Variants in A1CF observed in about 807,000 individuals in gnomAD.
The protein encoded by A1CF is APOBEC1 complementation factor.
A neutral mutation model predicts 68.9 loss-of-function variants in A1CF; 48 were observed. That is an observed-to-expected ratio of 0.70 (90% CI 0.55 to 0.89). The LOEUF is 0.89. A1CF is among the 40% of genes least tolerant of loss of function. The pLI is 0.00. For synonymous variants in A1CF, 272 were observed against 260.4 expected (o/e 1.04, Z -0.43); for missense variants, 653 against 718.9 (o/e 0.91, Z 1.05).
chr10:50,880,652 A>G (rs913717946), intron 1 of A1CF, among the ~76,000 whole-genome samples: 1 of 152,202 alleles, frequency 6.6e-6, no homozygotes, highest in Non-Finnish European at 1.5e-5. Context: ...GTTTAATTAC[A>G]TCTAATAATT....
At chr10:50,851,712 C>T (rs1840251137) in intron 3 of A1CF, among the ~76,000 whole-genome samples, 1 of 152,182 alleles carries the variant, frequency 6.6e-6, no homozygotes, top group African/African-American at 2.4e-5. Flanking sequence ...TAACTTTCCT[C>T]ACCTGGAAGC....
At chr10:50,814,137 T>C in intron 9 of A1CF, 99 bp from the exon 10 acceptor site, 1 of 1,379,168 alleles carries the variant, frequency 7.3e-7, no homozygotes, top group Non-Finnish European at 1.0e-6. Flanking sequence ...AATGGAAAAG[T>C]TAGCCCAATT....
intron 12 of A1CF, among the ~76,000 whole-genome samples, chr10:50,808,585 G>A (rs956210258): frequency 2.0e-5 from 3 of 152,292 alleles, no homozygotes; most frequent in East Asian, 1.9e-4. Flanking sequence ...CTGGCTGCTG[G>A]CCCCACACTG....
At chr10:50,807,647 C>G (rs10994555) in intron 12 of A1CF, among the ~76,000 whole-genome samples, 1 of 152,238 alleles carries the variant, frequency 6.6e-6, no homozygotes, top group East Asian at 1.9e-4. Context: ...GATGAGCATT[C>G]ACTTTTGAAG....
chr10:50,826,750 C>T (rs1156542303), intron 7 of A1CF, among the ~76,000 whole-genome samples: 2 of 152,102 alleles, frequency 1.3e-5, no homozygotes, highest in African/African-American at 2.4e-5. Flanking sequence ...CAGCTAACAT[C>T]ATAATGACAG....
rs1322769675 is a variant in A1CF, at chr10:50,806,946, T to C, written c.1610-66A>G. 2.0e-6 allele frequency: 3 copies of C among 1,508,828 alleles called. No homozygotes were observed. The African/African-American group carries it at 4.2e-5, about 21-fold the overall frequency. The allele number at this position is 1,508,828 out of a possible 1,614,324, so 93.5% of individuals were successfully genotyped here. On this transcript the variant is annotated intron_variant, in intron 12 of 12. Coordinates refer to ENST00000373997, the MANE Select transcript of A1CF (RefSeq NM_014576.4). ...CATTTGCTCCCTTTTGGCTTATTTG[T>C]CTTCTTTTAGAAATACGAACATTTA...
At chr10:50,812,718 T>A (rs1838174852) in intron 10 of A1CF, among the ~76,000 whole-genome samples, 1 of 152,184 alleles carries the variant, frequency 6.6e-6, no homozygotes, top group African/African-American at 2.4e-5. Context: ...TACGTGTCAG[T>A]TTTTTCCCAC....
chr10:50,847,852 C>A (rs911086172), intron 3 of A1CF, among the ~76,000 whole-genome samples: 29 of 152,206 alleles, frequency 1.9e-4, no homozygotes, highest in African/African-American at 7.0e-4. Context: ...GATAACATTT[C>A]CTTATCATGA....
intron 5 of A1CF, among the ~76,000 whole-genome samples, chr10:50,840,949 T>A (rs1465554344): frequency 6.6e-6 from 1 of 152,190 alleles, no homozygotes; most frequent in Non-Finnish European, 1.5e-5. Flanking sequence ...CTAGCCAGAT[T>A]TGTGTATATC....
At chr10:50,881,102 G>T (rs189712336) in intron 1 of A1CF, among the ~76,000 whole-genome samples, 1 of 151,658 alleles carries the variant, frequency 6.6e-6, no homozygotes, top group Non-Finnish European at 1.5e-5. Context: ...TGATTTTCCC[G>T]CCTCAGCCTC....
In A1CF at chr10:50,816,207, G is replaced by T. The variant is rs773381488; in HGVS notation, c.940C>A (p.Arg314=). 7 of 1,613,572 alleles carry T rather than the reference G, an allele frequency of 4.3e-6. No individual in the cohort carries two copies. Among genetic ancestry groups the T allele is most frequent in the Non-Finnish European group, 5.9e-6 (7 of 1,179,824 alleles). The change falls in exon 9 of 13, where the codon CGA becomes AGA. Residue 314 remains arginine (R), a synonymous_variant. Coordinates refer to ENST00000373997, the MANE Select transcript of A1CF (RefSeq NM_014576.4). Reference sequence around the variant, plus strand: ...ATGGTGCCCCTTCCACCTGTGCCTCGGGTATACCTAACATAACTGTCCTTG... The same window carrying T: ...ATGGTGCCCCTTCCACCTGTGCCTCTGGTATACCTAACATAACTGTCCTTG... ...VDKDSYVRYT[R]GTGGRGTMLQ...
In A1CF at chr10:50,801,711, C is replaced by T. The variant is rs1837608261; in HGVS notation, c.*5018G>A. ...AAGCTGTATTCTTCTTCTTGAATTT[C>T]TCTCTCAAAATAGGAGAAAAGTCTG... On this transcript the variant is annotated 3_prime_UTR_variant, in exon 13 of 13. Coordinates refer to ENST00000373997, the MANE Select transcript of A1CF (RefSeq NM_014576.4). 6.6e-6 allele frequency: 1 copy of T among 152,146 alleles called. No homozygotes were observed. Among genetic ancestry groups the T allele is most frequent in the Admixed American group, 6.5e-5 (1 of 15,280 alleles). 9.4% of individuals were successfully genotyped at this position (152,146 alleles called of 1,614,324 possible). A position where few individuals can be genotyped will look rare whatever the true frequency, so the allele number is the denominator to read the frequency against.
chr10:50,838,641 C>T (rs541708596), intron 5 of A1CF, among the ~76,000 whole-genome samples: 8 of 152,184 alleles, frequency 5.3e-5, no homozygotes, highest in Admixed American at 3.9e-4. Flanking sequence ...ATTTAGATGA[C>T]GATCAGTGAA....
Position 50,841,901 on chromosome 10 carries a change from G to T in A1CF, c.326C>A (p.Ala109Asp). ...ATTAAGTTGCTTGATTGCATTCTTGGCTTCCACTTTATTTGAAAATGTTAC... is the reference window on the plus strand; with the variant it reads ...ATTAAGTTGCTTGATTGCATTCTTGTCTTCCACTTTATTTGAAAATGTTAC... ...AFVTFSNKVE[A>D]KNAIKQLNNY... The change falls in exon 5 of 13, where the codon GCC becomes GAC. Residue 109 changes from alanine (A) to aspartate (D), a missense_variant. Coordinates refer to ENST00000373997, the MANE Select transcript of A1CF (RefSeq NM_014576.4). 1 of 1,613,142 alleles carries T rather than the reference G, an allele frequency of 6.2e-7. No homozygotes were observed. The highest frequency in any genetic ancestry group is 1.1e-5 in the South Asian group (1 of 90,994).
intron 5 of A1CF, among the ~76,000 whole-genome samples, chr10:50,840,161 T>C (rs889625225): frequency 6.6e-6 from 1 of 151,952 alleles, no homozygotes; most frequent in Non-Finnish European, 1.5e-5. Context: ...ATCTGCTCTT[T>C]CTGCATTCAT....
At chr10:50,884,885 AT>A (rs750102709) in intron 1 of A1CF, among the ~76,000 whole-genome samples, 21 of 152,218 alleles carry the variant, frequency 1.4e-4, no homozygotes, top group East Asian at 1.2e-3. Flanking sequence ...CACAAAAAAA[AT>A]ATGTGAAAAT....
In A1CF at chr10:50,816,103, AT is replaced by A; in HGVS notation, c.1043del (p.Tyr348LeufsTer38). 1 of 1,613,846 alleles carries A rather than the reference AT, an allele frequency of 6.2e-7. No individual in the cohort carries two copies. The highest frequency in any genetic ancestry group is 8.5e-7 in the Non-Finnish European group (1 of 1,179,886). On this transcript the variant is annotated frameshift_variant, in exon 9 of 13. Coordinates refer to ENST00000373997, the MANE Select transcript of A1CF (RefSeq NM_014576.4). LOFTEE classifies it high-confidence loss of function. ...TTTYLGAPVF[Y>X]APQTYAAIPS... is the part of the protein sequence containing the mutation. ...GAATTGCTGCATAGGTCTGGGGGGCATAGAAGACAGGAGCTCCAAGGTAGGT... is the reference window on the plus strand; with the variant it reads ...GAATTGCTGCATAGGTCTGGGGGGCAAGAAGACAGGAGCTCCAAGGTAGGT...
At chr10:50,814,207 T>C in intron 9 of A1CF, 169 bp from the exon 10 acceptor site, 1 of 680,884 alleles carries the variant, frequency 1.5e-6, no homozygotes, top group Non-Finnish European at 2.4e-6. Flanking sequence ...GTAATGAAAC[T>C]CAACATAAGG....
chr10:50,802,682 GTGTTA>G lies in A1CF; in HGVS notation c.*4042_*4046del, dbSNP rs1837648570. 9.1e-5 allele frequency: 5 copies of G among 55,062 alleles called. No homozygotes were observed. Among genetic ancestry groups the G allele is most frequent in the Non-Finnish European group, 2.5e-4 (4 of 16,048 alleles). 3.4% of individuals were successfully genotyped at this position (55,062 alleles called of 1,614,324 possible). On this transcript the variant is annotated 3_prime_UTR_variant, in exon 13 of 13. Transcript: ENST00000373997. Reference sequence around the variant, plus strand: ...TGTAAGTTACTTTTAGGAAATCTTAGTGTTAGAGTTGTTCAATAATAATATACTTT... The same window carrying G: ...TGTAAGTTACTTTTAGGAAATCTTAGGAGTTGTTCAATAATAATATACTTT...
Sources: allele counts gnomAD v4.1 joint callset (sites outside exome capture counted in the v4.1 genomes callset), GRCh38; gene constraint gnomAD v4.1.1; transcripts MANE v1.5; gene names NCBI Gene and HGNC (gene_info 2026-07-23, HGNC 2026-07-21).